SPIDR: variants seen among roughly 807,000 people sequenced by gnomAD.
The protein encoded by SPIDR is scaffold protein involved in DNA repair, also known as DNA repair-scaffolding protein.
Under a neutral mutation model 104.6 loss-of-function variants are expected in SPIDR, and 93 were observed. The observed-to-expected ratio is 0.89, with a 90% CI of 0.75 to 1.06. The LOEUF is 1.06. SPIDR is among the 50% of genes least tolerant of loss of function. SPIDR has a pLI of 0.00. For synonymous variants in SPIDR, 431 were observed against 416.9 expected, an observed-to-expected ratio of 1.03 and a Z score of -0.41; for missense variants, 1,154 against 1,111.2, an observed-to-expected ratio of 1.04 and a Z score of -0.55.
At position 47,693,588 on chromosome 8, in the gene SPIDR, A is replaced by G. The variant is rs1029819279; in HGVS notation, c.1686-6815A>G. On this transcript the variant is annotated intron_variant, in intron 11 of 19. Coordinates refer to ENST00000297423, the MANE Select transcript of SPIDR (RefSeq NM_001080394.4). ...TGCGCCTCCCAGGCACCAGTCTGTC[A>G]TCTAGGCACTGGGATTCCACAGAGA... 2.0e-5 allele frequency among the ~76,000 whole-genome samples: 3 copies of G among 152,190 alleles called. No homozygotes were observed. In the South Asian group the frequency reaches 6.2e-4, roughly 31 times the overall value.
intron 8 of SPIDR, among the ~76,000 whole-genome samples, chr8:47,490,225 C>T (rs1196154300): frequency 1.3e-5 from 2 of 152,226 alleles, no homozygotes; most frequent in South Asian, 2.1e-4. Flanking sequence ...GACATTTATG[C>T]AGTCAACAGA....
intron 8 of SPIDR, among the ~76,000 whole-genome samples, chr8:47,507,471 C>A (rs144745361): frequency 1.3e-5 from 2 of 152,226 alleles, no homozygotes; most frequent in South Asian, 2.1e-4. Flanking sequence ...CTGCTCATAT[C>A]GTGTTGCTCC....
At position 47,350,263 on chromosome 8, in the gene SPIDR, C is replaced by T. The variant is rs567687385; in HGVS notation, c.526-46113C>T. Among the ~76,000 whole-genome samples the T allele has an allele frequency of 5.3e-5, 8 of 152,256 alleles. No individual in the cohort carries two copies. The East Asian group carries it at 5.8e-4, about 11-fold the overall frequency. On this transcript the variant is annotated intron_variant, in intron 5 of 19. Coordinates refer to ENST00000297423, the MANE Select transcript of SPIDR (RefSeq NM_001080394.4). The stretch of plus-strand genomic sequence containing the variant: ...CTCTGAGTGTGATTGCTAAGATTAG[C>T]GATTTTAAACCTTTTTTTCCTTGAC...
intron 8 of SPIDR, among the ~76,000 whole-genome samples, chr8:47,488,529 G>C (rs561834679): frequency 6.6e-6 from 1 of 152,230 alleles, no homozygotes; most frequent in East Asian, 1.9e-4. Flanking sequence ...TGATACCAAA[G>C]CCTGGCAGAG....
At chr8:47,384,955 T>C (rs1256497299) in intron 5 of SPIDR, among the ~76,000 whole-genome samples, 1 of 152,216 alleles carries the variant, frequency 6.6e-6, no homozygotes, top group Non-Finnish European at 1.5e-5. Flanking sequence ...TGCCAGTCTC[T>C]CTCTTTTGTT....
chr8:47,693,959 C>T (rs1221029800), intron 11 of SPIDR, among the ~76,000 whole-genome samples: 2 of 152,206 alleles, frequency 1.3e-5, no homozygotes, highest in Non-Finnish European at 2.9e-5. Flanking sequence ...GGAGCATGGC[C>T]CTAGCCCCAG....
rs1554696075 is a variant in SPIDR at position 47,440,495 on chromosome 8, C to G, written c.1050C>G (p.Gly350=). The change falls in exon 8 of 20, where the codon GGC becomes GGG. Residue 350 remains glycine (G), a synonymous_variant. Transcript: ENST00000297423. ...TTCTCTTCACCAAGGAGACTGCAGGCTACCTCAGGGGCCGTCCCCAGGACA... is the reference window on the plus strand; with the variant it reads ...TTCTCTTCACCAAGGAGACTGCAGGGTACCTCAGGGGCCGTCCCCAGGACA... The part of the protein sequence containing the change: ...LKVLFTKETA[G]YLRGRPQDTV... The G allele has an allele frequency of 6.2e-7, 1 of 1,614,256 alleles. No homozygotes were observed. The highest frequency in any genetic ancestry group is 1.3e-5 in the African/African-American group (1 of 75,078).
chr8:47,497,199 T>C (rs1049275509), intron 8 of SPIDR, among the ~76,000 whole-genome samples: 5 of 152,110 alleles, frequency 3.3e-5, no homozygotes, highest in Admixed American at 2.6e-4. Flanking sequence ...TTTTCTATTC[T>C]CTATTTCATG....
At chr8:47,647,378 G>A (rs2070591933) in intron 10 of SPIDR, among the ~76,000 whole-genome samples, 1 of 152,188 alleles carries the variant, frequency 6.6e-6, no homozygotes, top group South Asian at 2.1e-4. Flanking sequence ...ACTTTGGGAG[G>A]CCGAGGTGGG....
At chr8:47,426,178 C>T (rs1427972502) in intron 7 of SPIDR, among the ~76,000 whole-genome samples, 2 of 152,038 alleles carry the variant, frequency 1.3e-5, no homozygotes, top group East Asian at 1.9e-4. Flanking sequence ...CACTTAAACC[C>T]GGGAGGCGGA....
rs751755181 is a variant in SPIDR at position 47,595,849 on chromosome 8, T to C, written c.1136T>C (p.Ile379Thr). The C allele has an allele frequency of 5.6e-6, 9 of 1,614,100 alleles. No homozygotes were observed. The African/African-American group carries it at 6.7e-5, about 12-fold the overall frequency. The change falls in exon 9 of 20, where the codon ATT becomes ACT. Residue 379 changes from isoleucine (I) to threonine (T), a missense_variant. Coordinates refer to ENST00000297423, the MANE Select transcript of SPIDR (RefSeq NM_001080394.4). ...LIIPSGSCPV[I>T]LNTYFCEKVV... ...ATTCCAAGTGGAAGTTGCCCTGTTA[T>C]TCTGAATACTTACTTTTGTGAGAAA...
chr8:47,453,486 C>G (rs932737512), intron 8 of SPIDR, among the ~76,000 whole-genome samples: 1 of 152,144 alleles, frequency 6.6e-6, no homozygotes, highest in Non-Finnish European at 1.5e-5. Context: ...GCTACAGTAA[C>G]AAAAACACCA....
chr8:47,728,975 T>G lies in SPIDR; in HGVS notation c.2478T>G (p.Ser826=). Residue 826 remains serine, a synonymous_variant, in exon 18 of 20, where the codon TCT becomes TCG. Coordinates refer to ENST00000297423, the MANE Select transcript of SPIDR (RefSeq NM_001080394.4). ...GGGACTGCTCCCGGGTGGTCACATC[T>G]CCTGTTCTCAAGAGGCACCTGCAGG... is the stretch of plus-strand genomic sequence containing the variant. The part of the protein sequence containing the change: ...SCGDCSRVVT[S]PVLKRHLQVF... The G allele has an allele frequency of 1.9e-6, 3 of 1,613,888 alleles. No homozygotes were observed. The highest frequency in any genetic ancestry group is 2.5e-6 in the Non-Finnish European group (3 of 1,180,004).
At chr8:47,628,685 A>G (rs2066579054) in intron 10 of SPIDR, among the ~76,000 whole-genome samples, 1 of 152,156 alleles carries the variant, frequency 6.6e-6, no homozygotes, top group Non-Finnish European at 1.5e-5. Flanking sequence ...CAAATATTTC[A>G]AATCTGAAAA....
chr8:47,536,196 G>A (rs1165203392), intron 8 of SPIDR, among the ~76,000 whole-genome samples: 1 of 152,038 alleles, frequency 6.6e-6, no homozygotes, highest in East Asian at 1.9e-4. Context: ...AAGACTCAAT[G>A]TTATTAAGAT....
chr8:47,370,439 ATT>A (rs34220804), intron 5 of SPIDR, among the ~76,000 whole-genome samples: 24 of 99,068 alleles, frequency 2.4e-4, no homozygotes, highest in South Asian at 1.8e-3. Flanking sequence ...AGAGGTCAAG[ATT>A]TTTTTTTTTT....
At chr8:47,347,968 G>GAATTTAATAT (rs2052524580) in intron 5 of SPIDR, among the ~76,000 whole-genome samples, 1 of 152,048 alleles carries the variant, frequency 6.6e-6, no homozygotes, top group Non-Finnish European at 1.5e-5. Context: ...ATATTGTTAG[G>GAATTTAATAT]TGTGAATTTG....
intron 5 of SPIDR, among the ~76,000 whole-genome samples, chr8:47,301,545 G>A (rs1713606673): frequency 6.6e-6 from 1 of 150,780 alleles, no homozygotes; most frequent in Non-Finnish European, 1.5e-5. Flanking sequence ...AGCCTTGATG[G>A]TCTTTGCAGT....
intron 10 of SPIDR, among the ~76,000 whole-genome samples, chr8:47,600,730 C>A (rs1006037890): frequency 1.3e-5 from 2 of 151,984 alleles, no homozygotes; most frequent in African/African-American, 4.8e-5. Flanking sequence ...TTTTGTTTTG[C>A]TTGGCCTTTT....
Sources: allele counts gnomAD v4.1 joint callset (sites outside exome capture counted in the v4.1 genomes callset), GRCh38; gene constraint gnomAD v4.1.1; transcripts MANE v1.5; gene names NCBI Gene and HGNC (gene_info 2026-07-23, HGNC 2026-07-21).